Variants in STPG2 observed in about 807,000 individuals in gnomAD.
The protein encoded by STPG2 is sperm-tail PG-rich repeat-containing protein 2.
STPG2 carries 56 observed loss-of-function variants against 54.2 expected under a neutral mutation model. The ratio of observed to expected loss-of-function variants is 1.03; its 90% CI spans 0.83 to 1.29. STPG2 has a LOEUF of 1.29. Among genes scored for constraint, STPG2 ranks in the 50% most tolerant of loss-of-function variants. The probability of loss-of-function intolerance (pLI) is 0.00; values close to 1 mark genes in which losing one functional copy is unlikely to be tolerated. For synonymous variants in STPG2, 200 were observed against 181.8 expected (o/e 1.10, Z -0.81); for missense variants, 596 against 544.9 (o/e 1.09, Z -0.93).
intron 10 of STPG2, among the ~76,000 whole-genome samples, chr4:97,564,824 C>A (rs1732379440): frequency 1.3e-5 from 2 of 152,154 alleles, no homozygotes. Flanking sequence ...GATGGGCTTC[C>A]CTTTGTGAGT....
intron 10 of STPG2, among the ~76,000 whole-genome samples, chr4:97,592,233 G>A (rs1733164565): frequency 6.6e-6 from 1 of 151,936 alleles, no homozygotes; most frequent in Admixed American, 6.6e-5. Context: ...TATTTATTAT[G>A]TAAAAGAATA....
chr4:97,613,873 C>A (rs1267415141), intron 10 of STPG2, among the ~76,000 whole-genome samples: 1 of 151,798 alleles, frequency 6.6e-6, no homozygotes, highest in Non-Finnish European at 1.5e-5. Context: ...TTGCCCAAGT[C>A]CTAGAATCAA....
At chr4:97,904,823 A>G (rs539142209) in intron 8 of STPG2, among the ~76,000 whole-genome samples, 1 of 152,230 alleles carries the variant, frequency 6.6e-6, no homozygotes, top group Non-Finnish European at 1.5e-5. Context: ...GAAGGCTCAG[A>G]AGCCGATGCA....
intron 8 of STPG2, 27 bp from the exon 9 acceptor site, chr4:97,840,959 T>C (rs1358609320): frequency 3.1e-6 from 5 of 1,606,066 alleles, no homozygotes; most frequent in Non-Finnish European, 4.3e-6. Flanking sequence ...TAGATGAGCA[T>C]AAATATATCT....
chr4:97,743,354 C>G (rs1725326726), intron 9 of STPG2, among the ~76,000 whole-genome samples: 1 of 151,676 alleles, frequency 6.6e-6, no homozygotes, highest in Non-Finnish European at 1.5e-5. Flanking sequence ...ATACACTCAG[C>G]TCCAGGTTTT....
At chr4:97,920,640 T>A (rs1578691839) in intron 8 of STPG2, among the ~76,000 whole-genome samples, 2 of 149,298 alleles carry the variant, frequency 1.3e-5, no homozygotes. Flanking sequence ...CCTTCAAAAA[T>A]GAAGGGTGTA....
At chr4:98,088,855 G>C (rs550962376) in intron 5 of STPG2, among the ~76,000 whole-genome samples, 75 of 152,024 alleles carry the variant, frequency 4.9e-4, no homozygotes, top group Non-Finnish European at 1.0e-3. Flanking sequence ...ACTGCTATCT[G>C]CTGTCTTCAA....
At chr4:97,647,949 G>C (rs1468781443) in intron 10 of STPG2, among the ~76,000 whole-genome samples, 1 of 152,102 alleles carries the variant, frequency 6.6e-6, no homozygotes, top group Non-Finnish European at 1.5e-5. Context: ...GCATTACTAG[G>C]AGGGAGATCC....
intron 5 of STPG2, among the ~76,000 whole-genome samples, chr4:98,065,867 G>A (rs764484845): frequency 3.1e-4 from 47 of 151,984 alleles, no homozygotes; most frequent in Non-Finnish European, 4.3e-4. Context: ...TCATTTCACT[G>A]TCACCTGATA....
At position 97,500,078 on chromosome 4, in the gene STPG2, G is replaced by C. The variant is rs921415843; in HGVS notation, c.462+212621C>G. ...ATGGTCTCAAAAAAAGGCAATAGGA[G>C]GGGCAAGAACAGAAGCAAGGGGACC... is the stretch of plus-strand genomic sequence containing the variant. On this transcript the variant is annotated intron_variant, in intron 4 of 4. Coordinates refer to the STPG2 transcript ENST00000522676. Among the ~76,000 whole-genome samples, 5 of 151,920 alleles carry C rather than the reference G, an allele frequency of 3.3e-5. No individual in the cohort carries two copies. The South Asian group carries it at 1.0e-3, about 31-fold the overall frequency.
chr4:97,911,060 G>T (rs924500019), intron 8 of STPG2, among the ~76,000 whole-genome samples: 5 of 152,332 alleles, frequency 3.3e-5, no homozygotes, highest in Non-Finnish European at 5.9e-5. Flanking sequence ...TGGGCAAGGG[G>T]AGCTCCCAGC....
chr4:97,488,367 A>T (rs1483847104), intron 4 of STPG2, among the ~76,000 whole-genome samples: 1 of 151,754 alleles, frequency 6.6e-6, no homozygotes, highest in Non-Finnish European at 1.5e-5. Context: ...ATCCCAGTTT[A>T]CAGATGAGAA....
intron 10 of STPG2, among the ~76,000 whole-genome samples, chr4:97,709,366 CAT>C (rs2149004810): frequency 6.6e-6 from 1 of 151,644 alleles, no homozygotes; most frequent in African/African-American, 2.4e-5. Context: ...TGGATTTATA[CAT>C]GTTAATATTT....
chr4:97,448,235 C>T (rs1458423460), intron 4 of STPG2, among the ~76,000 whole-genome samples: 1 of 152,156 alleles, frequency 6.6e-6, no homozygotes, highest in Non-Finnish European at 1.5e-5. Context: ...AGGGACTTAC[C>T]TTGTCTCAAA....
At chr4:97,724,284 C>A (rs911332962) in intron 9 of STPG2, among the ~76,000 whole-genome samples, 4 of 152,042 alleles carry the variant, frequency 2.6e-5, no homozygotes, top group African/African-American at 9.7e-5. Flanking sequence ...AAATATCCAA[C>A]TGGAATCTTA....
At chr4:97,568,427 C>T (rs1473313268) in intron 10 of STPG2, among the ~76,000 whole-genome samples, 1 of 152,048 alleles carries the variant, frequency 6.6e-6, no homozygotes, top group Non-Finnish European at 1.5e-5. Context: ...GGGAGAAAGA[C>T]AAGAGCCCTG....
chr4:97,766,038 G>A (rs1288853383), intron 9 of STPG2, among the ~76,000 whole-genome samples: 5 of 151,998 alleles, frequency 3.3e-5, no homozygotes, highest in Non-Finnish European at 1.5e-5. Flanking sequence ...TGCTTTAAAG[G>A]GTTTACTGAT....
intron 4 of STPG2, among the ~76,000 whole-genome samples, chr4:97,449,217 A>G (rs1396974090): frequency 6.6e-6 from 1 of 152,276 alleles, no homozygotes; most frequent in African/African-American, 2.4e-5. Context: ...CAATATGTAC[A>G]TTTTTGCATG....
At chr4:98,042,946 CTAT>C (rs148747922) in intron 5 of STPG2, among the ~76,000 whole-genome samples, 1,795 of 152,026 alleles carry the variant, frequency 0.012, 29 homozygotes, top group African/African-American at 0.041. Context: ...AAGTGTCCTA[CTAT>C]TATTATATTG....
Sources: allele counts gnomAD v4.1 joint callset (sites outside exome capture counted in the v4.1 genomes callset), GRCh38; gene constraint gnomAD v4.1.1; transcripts MANE v1.5; gene names NCBI Gene and HGNC (gene_info 2026-07-23, HGNC 2026-07-21).